The following SAMD13 variants were observed in gnomAD, a reference collection of about 807,000 sequenced individuals.
SAMD13 encodes sterile alpha motif domain containing 13.
In SAMD13, 9 loss-of-function variants were observed where a neutral mutation model predicts 12.4. The ratio of observed to expected loss-of-function variants is 0.72; its 90% CI spans 0.44 to 1.26. The LOEUF is 1.26. SAMD13 is among the 50% of genes most tolerant of loss of function. SAMD13 has a pLI of 0.00. For missense variants in SAMD13, 84 were observed against 119.6 expected, an observed-to-expected ratio of 0.70 and a Z score of 1.39; for synonymous variants, 46 against 45.4, an observed-to-expected ratio of 1.01 and a Z score of -0.05.
chr1:84,301,805 G>T lies in SAMD13; in HGVS notation c.-33+4G>T. 4.1e-6 allele frequency: 4 copies of T among 980,674 alleles called. No homozygotes were observed. The highest frequency in any genetic ancestry group is 4.8e-6 in the Non-Finnish European group (4 of 825,738). 60.7% of individuals were successfully genotyped at this position (980,674 alleles called of 1,614,324 possible). A position where few individuals can be genotyped will look rare whatever the true frequency, so the allele number is the denominator to read the frequency against. ...GATATTTTTTAGTTGCTTATAGGTA[G>T]GTTTTCTTTTTACTCTTCCACAGAA... On this transcript the variant is annotated splice_donor_region_variant and intron_variant, in intron 1 of 3. Transcript: ENST00000394834.
chr1:84,329,849 C>T (rs2101808279), intron 3 of SAMD13, among the ~76,000 whole-genome samples: 1 of 152,320 alleles, frequency 6.6e-6, no homozygotes, highest in Non-Finnish European at 1.5e-5. Flanking sequence ...GATGTCGCTA[C>T]TCCTTGGGTT....
chr1:84,347,624 A>G (rs1346767340), intron 3 of SAMD13, among the ~76,000 whole-genome samples: 3 of 152,206 alleles, frequency 2.0e-5, no homozygotes, highest in Admixed American at 6.5e-5. Flanking sequence ...AGCACACAAC[A>G]GCCGAGGAAA....
rs980497275 is a variant in SAMD13, at chr1:84,332,583, G to A, written c.165+6835G>A. ...TTGCCCAATATGTAATGGGTTGTTT[G>A]TTTTCTTGCTTGTTGATTTAAGTTT... On this transcript the variant is annotated intron_variant, in intron 3 of 3. Coordinates refer to ENST00000394834, the MANE Select transcript of SAMD13 (RefSeq NM_001134663.2). Among the ~76,000 whole-genome samples, 153 of 151,804 alleles carry A rather than the reference G, an allele frequency of 1.0e-3. 1 individual carries two copies. Among genetic ancestry groups the A allele is most frequent in the African/African-American group, 3.6e-3 (148 of 41,362 alleles).
chr1:84,313,874 C>CT (rs912751945), intron 2 of SAMD13, among the ~76,000 whole-genome samples: 1 of 151,890 alleles, frequency 6.6e-6, no homozygotes, highest in Non-Finnish European at 1.5e-5. Flanking sequence ...TAATGTGATG[C>CT]TTTTTTTTCT....
chr1:84,311,368 A>C (rs2101792977), intron 2 of SAMD13, among the ~76,000 whole-genome samples: 1 of 151,910 alleles, frequency 6.6e-6, no homozygotes, highest in Admixed American at 6.6e-5. Flanking sequence ...AAAGAAAAGA[A>C]AAAGAAAAAA....
At chr1:84,322,026 T>A (rs900288666) in intron 2 of SAMD13, among the ~76,000 whole-genome samples, 2 of 152,196 alleles carry the variant, frequency 1.3e-5, no homozygotes, top group African/African-American at 2.4e-5. Flanking sequence ...AATAAATGCC[T>A]TTTTAAACTG....
chr1:84,317,382 T>C (rs1678857327), intron 2 of SAMD13, among the ~76,000 whole-genome samples: 1 of 152,076 alleles, frequency 6.6e-6, no homozygotes, highest in Admixed American at 6.5e-5. Context: ...AATTTCCCTC[T>C]ATCCCTACTT....
At chr1:84,300,158 C>G (rs6682697), upstream of SAMD13, among the ~76,000 whole-genome samples, 840 of 152,266 alleles carry the variant, frequency 5.5e-3, 6 homozygotes, top group African/African-American at 0.02. Context: ...GTTAAGGAAT[C>G]TGTTAGTGAA....
rs1467256630 is a variant in SAMD13, at chr1:84,350,650, C to T, written c.*876C>T. On this transcript the variant is annotated 3_prime_UTR_variant, in exon 4 of 4. Coordinates refer to ENST00000394834, the MANE Select transcript of SAMD13 (RefSeq NM_001134663.2). ...TTTTTTAATTGTCCTATGCTTTGTT[C>T]GGTTCCTGGGTTAAGTACTTGTTTT... 4.0e-5 allele frequency: 6 copies of T among 151,874 alleles called. No individual in the cohort carries two copies. The highest frequency in any genetic ancestry group is 2.6e-4 in the Admixed American group (4 of 15,198). The allele number at this position is 151,874 out of a possible 1,614,324, so 9.4% of individuals were successfully genotyped here. A position where few individuals can be genotyped will look rare whatever the true frequency, so the allele number is the denominator to read the frequency against.
At chr1:84,304,675 C>G (rs1442139846) in intron 2 of SAMD13, among the ~76,000 whole-genome samples, 1 of 151,914 alleles carries the variant, frequency 6.6e-6, no homozygotes, top group Non-Finnish European at 1.5e-5. Context: ...CTTTTCTGCC[C>G]CCATATCCCC....
chr1:84,346,486 A>G (rs1336813318), intron 3 of SAMD13, among the ~76,000 whole-genome samples: 2 of 152,220 alleles, frequency 1.3e-5, no homozygotes, highest in Admixed American at 1.3e-4. Context: ...AAGATGTGAA[A>G]TATCTTTTTG....
In SAMD13 at chr1:84,301,783, A is replaced by AT. The variant is rs1455575320; in HGVS notation, c.-45dup. Reference sequence around the variant, plus strand: ...TCTTGATAAGCCTATAAAAAATGATATTTTTTAGTTGCTTATAGGTAGGTT... The same window carrying AT: ...TCTTGATAAGCCTATAAAAAATGATATTTTTTTAGTTGCTTATAGGTAGGTT... On this transcript the variant is annotated 5_prime_UTR_variant, in exon 1 of 4. It introduces an in-frame stop codon into an upstream open reading frame of the 5' UTR. Transcript: ENST00000394834. The AT allele has an allele frequency of 1.3e-5, 13 of 985,026 alleles. No individual in the cohort carries two copies. The highest frequency in any genetic ancestry group is 2.3e-4 in the East Asian group (2 of 8,824). The allele number at this position is 985,026 out of a possible 1,614,324, so 61.0% of individuals were successfully genotyped here.
chr1:84,309,860 A>T lies in SAMD13; in HGVS notation c.53+6573A>T, dbSNP rs142696830. Among the ~76,000 whole-genome samples, 31 of 152,276 alleles carry T rather than the reference A, an allele frequency of 2.0e-4. 1 individual carries two copies. The East Asian group carries it at 5.8e-3, about 28-fold the overall frequency. ...GAAAATGCAAGTAAAGATTATAATGACGTACCCATTCACTTGGCAAAAAAT... is the reference window on the plus strand; with the variant it reads ...GAAAATGCAAGTAAAGATTATAATGTCGTACCCATTCACTTGGCAAAAAAT... On this transcript the variant is annotated intron_variant, in intron 2 of 3. Coordinates refer to ENST00000394834, the MANE Select transcript of SAMD13 (RefSeq NM_001134663.2).
upstream of SAMD13, chr1:84,298,587 G>T: frequency 7.8e-7 from 1 of 1,285,116 alleles, no homozygotes; most frequent in Non-Finnish European, 9.9e-7. Flanking sequence ...CTGCCTGTGC[G>T]CCCAGGGCGT....
intron 3 of SAMD13, among the ~76,000 whole-genome samples, chr1:84,344,340 C>T (rs1319657059): frequency 6.6e-6 from 1 of 152,098 alleles, no homozygotes; most frequent in East Asian, 1.9e-4. Context: ...TGAAGCCTCC[C>T]CACAGTGTAT....
At chr1:84,298,675 CA>C, upstream of SAMD13, 7 of 1,057,052 alleles carry the variant, frequency 6.6e-6, no homozygotes, top group South Asian at 4.8e-5. Context: ...TCTGCCCTCC[CA>C]AAAACACATC....
At chr1:84,334,566 C>T (rs1238477427) in intron 3 of SAMD13, among the ~76,000 whole-genome samples, 1 of 152,078 alleles carries the variant, frequency 6.6e-6, no homozygotes. Context: ...TTCGGTTCAG[C>T]TCAGATTTTA....
intron 3 of SAMD13, among the ~76,000 whole-genome samples, chr1:84,327,987 A>T (rs1039040528): frequency 7.2e-5 from 11 of 152,148 alleles, no homozygotes; most frequent in African/African-American, 2.7e-4. Flanking sequence ...ATTGAATAGC[A>T]CTCTTCTAAA....
Position 84,307,543 on chromosome 1 carries a change from G to A in SAMD13, c.53+4256G>A, listed in dbSNP as rs867701957. On this transcript the variant is annotated intron_variant, in intron 2 of 3. Transcript: ENST00000394834. ...CAGTTTCAATTAACTGAATTTTCTT[G>A]CGTGGTCATATTTTTCTGCATCTTT... Among the ~76,000 whole-genome samples, 3 of 151,980 alleles carry A rather than the reference G, an allele frequency of 2.0e-5. No homozygotes were observed. In the East Asian group the frequency reaches 5.8e-4, roughly 29 times the overall value.
Sources: allele counts gnomAD v4.1 joint callset (sites outside exome capture counted in the v4.1 genomes callset), GRCh38; gene constraint gnomAD v4.1.1; transcripts MANE v1.5; gene names NCBI Gene and HGNC (gene_info 2026-07-23, HGNC 2026-07-21).